GSDMB: variants seen among roughly 807,000 people sequenced by gnomAD.
The protein encoded by GSDMB is gasdermin B.
In GSDMB, 32 loss-of-function variants were observed where a neutral mutation model predicts 42.9. The ratio of observed to expected loss-of-function variants is 0.75; its 90% CI spans 0.56 to 1.00. GSDMB has a LOEUF of 1.00. Among genes scored for constraint, GSDMB ranks in the 50% least tolerant of loss-of-function variants. The probability of loss-of-function intolerance (pLI) is 0.00; values close to 1 mark genes in which losing one functional copy is unlikely to be tolerated. For synonymous variants in GSDMB, 175 were observed against 193.7 expected (o/e 0.90, Z 0.80); for missense variants, 468 against 498.5 (o/e 0.94, Z 0.58).
At chr17:39,913,240 T>A (rs1455934235) in intron 2 of GSDMB, among the ~76,000 whole-genome samples, 2 of 152,156 alleles carry the variant, frequency 1.3e-5, no homozygotes, top group Non-Finnish European at 2.9e-5. Context: ...GCTTAATAAT[T>A]GTAAGCCAGT....
chr17:39,913,004 G>C (rs959764710), intron 2 of GSDMB, among the ~76,000 whole-genome samples: 1 of 152,140 alleles, frequency 6.6e-6, no homozygotes, highest in Non-Finnish European at 1.5e-5. Context: ...CTACTTGAGA[G>C]GCTGAGGCAT....
chr17:39,906,710 A>T, intron 7 of GSDMB: 1 of 1,232,006 alleles, frequency 8.1e-7, no homozygotes, highest in Non-Finnish European at 1.1e-6. Flanking sequence ...ATTAAGTCAG[A>T]GTTTCTGGAG....
intron 8 of GSDMB, 55 bp downstream of exon 8, chr17:39,906,056 C>T: frequency 6.5e-7 from 1 of 1,546,480 alleles, no homozygotes; most frequent in Non-Finnish European, 8.9e-7. Context: ...TGCCAACTGC[C>T]ATCCCCTCTG....
At chr17:39,909,395 G>A (rs2063565192) in intron 4 of GSDMB, 1 of 377,510 alleles carries the variant, frequency 2.6e-6, no homozygotes. Flanking sequence ...TGAACCATGG[G>A]AAATGTACAA....
chr17:39,917,736 C>CT, intron 1 of GSDMB: 1 of 205,466 alleles, frequency 4.9e-6, no homozygotes, highest in Non-Finnish European at 1.0e-5. Context: ...TTGCTGACCC[C>CT]TTTTTTGGAC....
chr17:39,917,179 G>GA lies in GSDMB; in HGVS notation c.137dup (p.Phe47LeufsTer26). On this transcript the variant is annotated frameshift_variant, in exon 2 of 11. Transcript: ENST00000418519. LOFTEE classifies it high-confidence loss of function. ...CTGTTGTGTAGTGCCGGCATCCAAA[G>GA]AAAGTTCTCTTCTCCCCCACCAGAT... 6.2e-7 allele frequency: 1 copy of GA among 1,614,140 alleles called. No homozygotes were observed. Among genetic ancestry groups the GA allele is most frequent in the Non-Finnish European group, 8.5e-7 (1 of 1,179,982 alleles).
At chr17:39,916,581 C>T (rs1048636196) in intron 2 of GSDMB, among the ~76,000 whole-genome samples, 9 of 152,158 alleles carry the variant, frequency 5.9e-5, no homozygotes, top group African/African-American at 1.9e-4. Context: ...TGAGCCACCG[C>T]ACCCATCCCT....
intron 2 of GSDMB, among the ~76,000 whole-genome samples, chr17:39,915,233 A>C (rs988552057): frequency 6.6e-6 from 1 of 152,220 alleles, no homozygotes; most frequent in Non-Finnish European, 1.5e-5. Context: ...CAGTCTCCCA[A>C]AGTGCTGGGA....
intron 2 of GSDMB, among the ~76,000 whole-genome samples, chr17:39,916,214 T>C (rs1389880495): frequency 6.6e-6 from 1 of 152,082 alleles, no homozygotes; most frequent in Non-Finnish European, 1.5e-5. Flanking sequence ...GGGAGATAAC[T>C]TTTATTGGGT....
intron 2 of GSDMB, among the ~76,000 whole-genome samples, chr17:39,915,073 G>A (rs1183159010): frequency 6.6e-6 from 1 of 152,188 alleles, no homozygotes; most frequent in Non-Finnish European, 1.5e-5. Flanking sequence ...CTGGCCTCAA[G>A]TGATCCGCCC....
chr17:39,906,088 A>G, intron 8 of GSDMB, 23 bp downstream of exon 8: 2 of 1,613,728 alleles, frequency 1.2e-6, no homozygotes, highest in Non-Finnish European at 1.7e-6. Context: ...TCTCTGCCCC[A>G]AGGCTTTCTT....
At chr17:39,908,320 CAA>C (rs1337596348) in intron 5 of GSDMB, 106 bp from the exon 6 acceptor site, 3 of 293,318 alleles carry the variant, frequency 1.0e-5, no homozygotes, top group Non-Finnish European at 1.7e-5. Context: ...TACCAGCCTC[CAA>C]TCAAAAAAAA....
chr17:39,904,919 G>C lies in GSDMB; in HGVS notation c.1144C>G (p.Pro382Ala). The change falls in exon 11 of 11, where the codon CCT (proline) becomes GCT (alanine). Residue 382 changes from proline to alanine, a missense_variant. Transcript: ENST00000418519. The part of the protein sequence containing the change: ...EQNWDELASS[P>A]PDMDYDPEAR... ...TCAGGGTCATAGTCCATGTCAGGAG[G>C]ACTGCTGGCCAGCTCATCCCAGTTC... The C allele has an allele frequency of 6.2e-7, 1 of 1,613,602 alleles. No individual in the cohort carries two copies. The highest frequency in any genetic ancestry group is 8.5e-7 in the Non-Finnish European group (1 of 1,179,552).
chr17:39,916,118 C>T (rs1054498771), intron 2 of GSDMB, among the ~76,000 whole-genome samples: 18 of 152,096 alleles, frequency 1.2e-4, no homozygotes, highest in Middle Eastern at 6.8e-3. Flanking sequence ...CCCTCAATAC[C>T]TTAGGGATTT....
At chr17:39,916,052 C>G (rs145392663) in intron 2 of GSDMB, among the ~76,000 whole-genome samples, 16 of 152,230 alleles carry the variant, frequency 1.1e-4, no homozygotes, top group African/African-American at 3.6e-4. Context: ...CCAAGTACCC[C>G]AGGAATAACT....
intron 3 of GSDMB, 22 bp from the exon 4 acceptor site, chr17:39,909,946 GA>G (rs758088633): frequency 8.8e-6 from 14 of 1,592,300 alleles, no homozygotes; most frequent in Non-Finnish European, 1.2e-5. Context: ...GGAGAGAGAT[GA>G]GAGTTAAGGA....
intron 3 of GSDMB, 28 bp from the exon 4 acceptor site, chr17:39,909,952 T>A: frequency 6.3e-7 from 1 of 1,584,826 alleles, no homozygotes; most frequent in Non-Finnish European, 8.7e-7. Context: ...AGATGAGAGT[T>A]AAGGATCTCA....
At chr17:39,916,458 AT>A (rs1391080385) in intron 2 of GSDMB, among the ~76,000 whole-genome samples, 114 of 141,564 alleles carry the variant, frequency 8.1e-4, no homozygotes, top group Middle Eastern at 3.6e-3. Context: ...AATTTTTTGT[AT>A]TTTTTTTTTT....
chr17:39,906,118 T>C lies in GSDMB; in HGVS notation c.881A>G (p.Glu294Gly). 5 of 1,614,160 alleles carry C rather than the reference T, an allele frequency of 3.1e-6. No homozygotes were observed. The highest frequency in any genetic ancestry group is 4.2e-6 in the Non-Finnish European group (5 of 1,180,030). The change falls in exon 8 of 11, where the codon GAG (glutamate) becomes GGG (glycine). Residue 294 changes from glutamate to glycine, a missense_variant. Physicochemically the swap from Glu to Gly is moderately conservative, Grantham distance 98. Transcript: ENST00000418519. ...LGKEDIRQDL[E>G]QRVSEVLISG... ...TTTCTTAGGGTCCCTTACTCTTTGCTCTAGATCCTGCCGAATATCCTCCTT... is the reference window on the plus strand; with the variant it reads ...TTTCTTAGGGTCCCTTACTCTTTGCCCTAGATCCTGCCGAATATCCTCCTT...
Sources: gnomAD v4.1 joint callset for allele counts (sites outside exome capture counted in the v4.1 genomes callset) on GRCh38, gnomAD v4.1.1 for gene constraint, MANE v1.5 for transcripts, NCBI Gene and HGNC (gene_info 2026-07-23, HGNC 2026-07-21) for gene names.